PSD3: variants seen among roughly 807,000 people sequenced by gnomAD.
The protein encoded by PSD3 is pleckstrin and Sec7 domain containing 3, also known as PH and SEC7 domain-containing protein 3.
PSD3 carries 49 observed loss-of-function variants against 105.5 expected under a neutral mutation model. The observed-to-expected ratio is 0.46, with a 90% CI of 0.37 to 0.59. The LOEUF (loss-of-function observed/expected upper bound fraction) is 0.59, where lower values mean the gene tolerates loss of function less well. Among genes scored for constraint, PSD3 ranks in the 20% least tolerant of loss-of-function variants. PSD3 has a pLI of 0.00. For synonymous variants in PSD3, 557 were observed against 457.8 expected (o/e 1.22, Z -2.77); for missense variants, 1,561 against 1,263.8 (o/e 1.24, Z -3.57).
At chr8:18,807,981 T>C (rs1811346550) in intron 4 of PSD3, among the ~76,000 whole-genome samples, 1 of 152,124 alleles carries the variant, frequency 6.6e-6, no homozygotes, top group Admixed American at 6.6e-5. Context: ...AACACTACCA[T>C]TCAGTTTTGT....
At chr8:18,870,758 A>C (rs1817281308) in intron 3 of PSD3, among the ~76,000 whole-genome samples, 1 of 152,128 alleles carries the variant, frequency 6.6e-6, no homozygotes. Context: ...ATACCAGGGA[A>C]CAACTGAATT....
intron 4 of PSD3, among the ~76,000 whole-genome samples, chr8:18,851,679 C>T (rs1032150273): frequency 2.0e-5 from 3 of 152,192 alleles, no homozygotes; most frequent in African/African-American, 7.2e-5. Context: ...CACTGTGCCA[C>T]GGAATTGCAG....
chr8:18,932,393 C>T (rs530685839), intron 2 of PSD3, among the ~76,000 whole-genome samples: 54 of 152,198 alleles, frequency 3.5e-4, no homozygotes, highest in Admixed American at 7.9e-4. Flanking sequence ...CAAAAACACA[C>T]ACAAACTCTA....
At chr8:19,015,158 G>C (rs761753856), upstream of PSD3, among the ~76,000 whole-genome samples, 18 of 152,090 alleles carry the variant, frequency 1.2e-4, no homozygotes, top group Admixed American at 1.2e-3. Context: ...GGCTGTTCTC[G>C]TCATAGTGAA....
At chr8:19,059,705 A>G (rs6586795) in intron 1 of PSD3, among the ~76,000 whole-genome samples, 151,339 of 152,364 alleles carry the variant, frequency 0.99, 75,171 homozygotes, top group Middle Eastern at 1. Context: ...TCCCACAAGA[A>G]AAAGAAGAAA....
In PSD3 at chr8:18,911,823, T is replaced by A. The variant is rs532264572; in HGVS notation, c.130+24211A>T. Among the ~76,000 whole-genome samples, 3 of 152,222 alleles carry A rather than the reference T, an allele frequency of 2.0e-5. No homozygotes were observed. The East Asian group carries it at 5.8e-4, about 29-fold the overall frequency. The stretch of plus-strand genomic sequence containing the variant: ...CCACCACACACATCACTAGTCATCA[T>A]GAACACAATGAAGCAGAGAACTCAG... On this transcript the variant is annotated intron_variant, in intron 2 of 15. Transcript: ENST00000327040.
At chr8:18,855,891 T>C (rs1815971383) in intron 4 of PSD3, among the ~76,000 whole-genome samples, 2 of 152,220 alleles carry the variant, frequency 1.3e-5, no homozygotes, top group Non-Finnish European at 1.5e-5. Flanking sequence ...GTGTTTATTA[T>C]TGTCTACACT....
chr8:18,669,835 A>T (rs1799679405), intron 9 of PSD3, among the ~76,000 whole-genome samples: 1 of 152,240 alleles, frequency 6.6e-6, no homozygotes, highest in African/African-American at 2.4e-5. Context: ...AAAGTATTTT[A>T]TAACAACTAG....
intron 1 of PSD3, among the ~76,000 whole-genome samples, chr8:18,988,426 G>A (rs931812758): frequency 3.3e-5 from 5 of 152,094 alleles, no homozygotes; most frequent in African/African-American, 7.2e-5. Context: ...AAATAAGCCC[G>A]CAAGTGGAAA....
At chr8:18,833,717 T>C (rs1813866417) in intron 4 of PSD3, among the ~76,000 whole-genome samples, 2 of 152,210 alleles carry the variant, frequency 1.3e-5, no homozygotes, top group African/African-American at 4.8e-5. Context: ...GTAAGACATG[T>C]GCTACCTGCC....
intron 1 of PSD3, among the ~76,000 whole-genome samples, chr8:18,954,467 C>A (rs1163717373): frequency 2.6e-5 from 4 of 152,042 alleles, no homozygotes; most frequent in African/African-American, 9.7e-5. Context: ...GTTCTTGAAT[C>A]AAATCTGGCT....
intron 14 of PSD3, among the ~76,000 whole-genome samples, chr8:18,561,863 A>T (rs559685651): frequency 1.2e-4 from 19 of 152,314 alleles, no homozygotes; most frequent in Admixed American, 3.9e-4. Flanking sequence ...TTGCAGTGTG[A>T]GTCAAGGGCT....
chr8:19,070,054 C>A (rs1829201011), intron 1 of PSD3, among the ~76,000 whole-genome samples: 1 of 151,592 alleles, frequency 6.6e-6, no homozygotes. Context: ...AGGCGATTCT[C>A]CTGCCTCAGC....
rs1811024975 is a variant in PSD3, at chr8:18,804,567, A to C, written c.1865T>G (p.Leu622Arg). Residue 622 changes from leucine to arginine, a missense_variant, in exon 6 of 16, where the codon CTG (leucine) becomes CGG (arginine). By Grantham distance (102) the Leu-to-Arg change is moderately radical. Transcript: ENST00000327040. ...EFSKLVAEEY[L>R]KFFDFTGMTL... ...CATTCCTGTAAAATCAAAAAACTTC[A>C]GATATTCTTCTGCAACTAGTTTGCT... 6.2e-7 allele frequency: 1 copy of C among 1,613,612 alleles called. No homozygotes were observed. The highest frequency in any genetic ancestry group is 1.1e-5 in the South Asian group (1 of 91,058).
intron 2 of PSD3, among the ~76,000 whole-genome samples, chr8:18,885,921 G>A (rs949250849): frequency 1.6e-4 from 24 of 152,142 alleles, no homozygotes; most frequent in African/African-American, 5.6e-4. Flanking sequence ...CTCAACTAGC[G>A]TGTTTCCAGA....
chr8:19,084,796 C>G, upstream of PSD3: 1 of 250,444 alleles, frequency 4.0e-6, no homozygotes, highest in Non-Finnish European at 8.0e-6. Flanking sequence ...AGGTCCCAGC[C>G]TGCCAAGAGG....
intron 2 of PSD3, among the ~76,000 whole-genome samples, chr8:18,932,612 G>C (rs1424771281): frequency 6.6e-6 from 1 of 152,160 alleles, no homozygotes; most frequent in Non-Finnish European, 1.5e-5. Flanking sequence ...TCTCAGCTAT[G>C]TGCCTTTAGT....
chr8:18,656,275 C>T (rs572370283), intron 9 of PSD3, among the ~76,000 whole-genome samples: 4 of 151,636 alleles, frequency 2.6e-5, no homozygotes, highest in Admixed American at 2.0e-4. Flanking sequence ...CCAGACTGGT[C>T]TTGAACTCCT....
At chr8:18,797,975 G>C (rs1810336460) in intron 8 of PSD3, among the ~76,000 whole-genome samples, 2 of 152,120 alleles carry the variant, frequency 1.3e-5, no homozygotes, top group Non-Finnish European at 2.9e-5. Context: ...AGGAAAAGAA[G>C]GGTGCAAAGA....
Sources: gnomAD v4.1 joint callset for allele counts (sites outside exome capture counted in the v4.1 genomes callset) on GRCh38, gnomAD v4.1.1 for gene constraint, MANE v1.5 for transcripts, NCBI Gene and HGNC (gene_info 2026-07-23, HGNC 2026-07-21) for gene names.